Variants in AHDC1 observed in about 807,000 individuals in gnomAD.
AHDC1 encodes the protein AT-hook DNA binding motif containing 1.
In AHDC1, 7 loss-of-function variants were observed where a neutral mutation model predicts 87.9. The ratio of observed to expected loss-of-function variants is 0.08; its 90% confidence interval spans 0.05 to 0.15. AHDC1 has a LOEUF of 0.15. Among genes scored for constraint, AHDC1 ranks in the 10% least tolerant of loss-of-function variants. The probability of loss-of-function intolerance (pLI) is 1.00; values close to 1 mark genes in which losing one functional copy is unlikely to be tolerated. For synonymous variants in AHDC1, 1,051 were observed against 1,006.8 expected (o/e 1.04, Z -0.83); for missense variants, 1,841 against 2,253.2 (o/e 0.82, Z 3.70).
chr1:27,555,987 C>T (rs1397403611), intron 5 of AHDC1, among the ~76,000 whole-genome samples: 2 of 152,190 alleles, frequency 1.3e-5, no homozygotes, highest in African/African-American at 4.8e-5. Context: ...TTGGACCCCT[C>T]CCAAGGGTAC....
At chr1:27,591,805 G>A (rs893692819) in intron 3 of AHDC1, among the ~76,000 whole-genome samples, 1 of 152,222 alleles carries the variant, frequency 6.6e-6, no homozygotes, top group Non-Finnish European at 1.5e-5. Flanking sequence ...GTAAAATGGG[G>A]TAATAGTGCC....
chr1:27,601,646 A>T (rs1448120717), intron 3 of AHDC1, among the ~76,000 whole-genome samples: 2 of 152,228 alleles, frequency 1.3e-5, no homozygotes, highest in African/African-American at 4.8e-5. Flanking sequence ...TGCTCAAAGG[A>T]GGGAGATGGC....
In AHDC1 at chr1:27,598,019, T is replaced by C. The variant is rs1277201199; in HGVS notation, c.-629+5378A>G. On this transcript the variant is annotated intron_variant, in intron 3 of 8. Coordinates refer to ENST00000673934, the MANE Select transcript of AHDC1 (RefSeq NM_001371928.1). The surrounding 1 kb of genome is among the most constrained non-coding windows in gnomAD (Gnocchi z 4.2). ...GTGTGGGTGTCTCTGTCCATCTGTT[T>C]CACCACCCATCTGTCTGGCTGTCTG... Among the ~76,000 whole-genome samples, 1 of 152,222 alleles carries C rather than the reference T, an allele frequency of 6.6e-6. No homozygotes were observed. Among genetic ancestry groups the C allele is most frequent in the Non-Finnish European group, 1.5e-5 (1 of 68,044 alleles).
In AHDC1 at chr1:27,595,746, GC is replaced by G. The variant is rs2089352737; in HGVS notation, c.-629+7650del. Among the ~76,000 whole-genome samples, 1 of 152,018 alleles carries G rather than the reference GC, an allele frequency of 6.6e-6. No individual in the cohort carries two copies. The highest frequency in any genetic ancestry group is 1.5e-5 in the Non-Finnish European group (1 of 67,990). On this transcript the variant is annotated intron_variant, in intron 3 of 8. Transcript: ENST00000673934. The surrounding 1 kb of genome is among the most constrained non-coding windows in gnomAD (Gnocchi z 4.0). Reference sequence around the variant, plus strand: ...CTCTGATATCAGAGATGTGCCACAGGCTATCGTCCGTGCATGCACAGGTATG... The same window carrying G: ...CTCTGATATCAGAGATGTGCCACAGGTATCGTCCGTGCATGCACAGGTATG...
chr1:27,589,736 G>C (rs1050905060), intron 3 of AHDC1, among the ~76,000 whole-genome samples: 10 of 152,178 alleles, frequency 6.6e-5, no homozygotes, highest in African/African-American at 2.4e-4. Context: ...GTTTGTCACA[G>C]ACTGGTGAGC....
intron 3 of AHDC1, among the ~76,000 whole-genome samples, chr1:27,594,138 G>C (rs2089301266): frequency 6.6e-6 from 1 of 152,190 alleles, no homozygotes; most frequent in African/African-American, 2.4e-5. Flanking sequence ...ATTAGGGGGT[G>C]GAACAGATGG....
In AHDC1 at chr1:27,565,402, G is replaced by A. The variant is rs140455837; in HGVS notation, c.-628-6519C>T. Among the ~76,000 whole-genome samples, 1 of 152,164 alleles carries A rather than the reference G, an allele frequency of 6.6e-6. No individual in the cohort carries two copies. Among genetic ancestry groups the A allele is most frequent in the Non-Finnish European group, 1.5e-5 (1 of 68,028 alleles). ...GCTCATTCCATGAAGAGGGGCGAGAGAGGAAGGACAGAGGCCACTGCCCAG... is the reference window on the plus strand; with the variant it reads ...GCTCATTCCATGAAGAGGGGCGAGAAAGGAAGGACAGAGGCCACTGCCCAG... On this transcript the variant is annotated intron_variant, in intron 3 of 8. Coordinates refer to ENST00000673934, the MANE Select transcript of AHDC1 (RefSeq NM_001371928.1). This position sits in a 1 kb window ranked among gnomAD's most constrained non-coding sequence, Gnocchi z 4.6.
Position 27,548,810 on chromosome 1 carries a change from A to C in AHDC1, c.3306T>G (p.Phe1102Leu), listed in dbSNP as rs768209583. 2 of 1,612,904 alleles carry C rather than the reference A, an allele frequency of 1.2e-6. No individual in the cohort carries two copies. Among genetic ancestry groups the C allele is most frequent in the Non-Finnish European group, 1.7e-6 (2 of 1,179,844 alleles). Residue 1102 changes from phenylalanine to leucine, a missense_variant, in exon 8 of 9, where the codon TTT (phenylalanine) becomes TTG (leucine). By Grantham distance (22) the Phe-to-Leu change is conservative (BLOSUM62 0). This residue lies in a region of AHDC1 where 378 missense variants were observed against 399.0 expected (regional missense o/e 0.95). Transcript: ENST00000673934. The stretch of plus-strand genomic sequence containing the variant: ...GGAAAGGCCACTGAGAAGCCCCCGC[A>C]AACTGCCGACAGTTCTCGGGCGAGG... ...FQPSPENCRQ[F>L]AGASQWPFRQ...
intron 3 of AHDC1, among the ~76,000 whole-genome samples, chr1:27,592,545 G>A (rs1048835858): frequency 1.3e-5 from 2 of 152,124 alleles, no homozygotes; most frequent in African/African-American, 2.4e-5. Context: ...CCTCTCAGCC[G>A]CAACCACTTT....
At position 27,535,952 on chromosome 1, in the gene AHDC1, T is replaced by A. The variant is rs150856778; in HGVS notation, c.*44-1036A>T. Among the ~76,000 whole-genome samples the A allele has an allele frequency of 9.9e-4, 151 of 152,142 alleles. 1 individual carries two copies. Among genetic ancestry groups the A allele is most frequent in the African/African-American group, 3.5e-3 (145 of 41,498 alleles). ...ACTTCCTAAGAGCTCCAGTCATTAT[T>A]AGCCTGGTCCTTTCAGACTTCTGTC... On this transcript the variant is annotated intron_variant, in intron 8 of 8. Transcript: ENST00000673934.
intron 3 of AHDC1, among the ~76,000 whole-genome samples, chr1:27,559,504 T>C (rs527928814): frequency 1.3e-5 from 2 of 152,208 alleles, no homozygotes; most frequent in South Asian, 4.1e-4. Flanking sequence ...TTCATAACTG[T>C]GTGACTCTGG....
At chr1:27,542,922 T>C (rs1479765350) in intron 8 of AHDC1, among the ~76,000 whole-genome samples, 3 of 152,168 alleles carry the variant, frequency 2.0e-5, no homozygotes, top group Admixed American at 6.5e-5. Context: ...GGGGAAGAAC[T>C]TGTGCCCAGA....
chr1:27,547,739 G>T lies in AHDC1; in HGVS notation c.4377C>A (p.Pro1459=). ...LPLGQPHYDS[P]SCKGTAYWYP... ...ACCAATAGGCTGTGCCCTTGCAGCT[G>T]GGGGAATCGTAGTGGGGCTGGCCCA... Residue 1459 remains proline (P), a synonymous_variant, in exon 8 of 9, where the codon CCC becomes CCA. Transcript: ENST00000673934. This position sits in a 1 kb window ranked among gnomAD's most constrained non-coding sequence, Gnocchi z 4.9. 1 of 1,592,774 alleles carries T rather than the reference G, an allele frequency of 6.3e-7. No individual in the cohort carries two copies. Among genetic ancestry groups the T allele is most frequent in the East Asian group, 2.3e-5 (1 of 44,404 alleles).
At chr1:27,584,046 T>C (rs746429449) in intron 3 of AHDC1, among the ~76,000 whole-genome samples, 1 of 152,222 alleles carries the variant, frequency 6.6e-6, no homozygotes, top group Admixed American at 6.5e-5. Context: ...ATATTAGTTG[T>C]TGAATAAATT....
intron 3 of AHDC1, among the ~76,000 whole-genome samples, chr1:27,591,065 A>G (rs1195865608): frequency 6.6e-6 from 1 of 152,148 alleles, no homozygotes; most frequent in Non-Finnish European, 1.5e-5. Flanking sequence ...CTGTGGCCCC[A>G]GGCCAATGTC....
rs1553161065 is a variant in AHDC1 at position 27,558,020 on chromosome 1, A to AC, written c.-225+284dup. 1.3e-5 allele frequency among the ~76,000 whole-genome samples: 2 copies of AC among 151,910 alleles called. No individual in the cohort carries two copies. The highest frequency in any genetic ancestry group is 2.9e-5 in the Non-Finnish European group (2 of 67,956). On this transcript the variant is annotated intron_variant, in intron 5 of 8. Transcript: ENST00000673934. The surrounding 1 kb of genome is among the most constrained non-coding windows in gnomAD (Gnocchi z 5.6). ...CACCCTTACAATCCCAGGAGACTCC[A>AC]CCCCCAGACCTCAGGCCCCAGGAAT...
intron 3 of AHDC1, among the ~76,000 whole-genome samples, chr1:27,602,150 G>A (rs1160505869): frequency 6.6e-6 from 1 of 152,090 alleles, no homozygotes; most frequent in Non-Finnish European, 1.5e-5. Flanking sequence ...AGGGCACCAG[G>A]CTCAGCCCCT....
Position 27,549,452 on chromosome 1 carries a change from G to A in AHDC1, c.2664C>T (p.Phe888=), listed in dbSNP as rs1310141072. 5.6e-6 allele frequency: 9 copies of A among 1,612,924 alleles called. No individual in the cohort carries two copies. Among genetic ancestry groups the A allele is most frequent in the Non-Finnish European group, 7.6e-6 (9 of 1,179,830 alleles). The change falls in exon 8 of 9, where the codon TTC becomes TTT. Residue 888 remains phenylalanine, a synonymous_variant. Coordinates refer to ENST00000673934, the MANE Select transcript of AHDC1 (RefSeq NM_001371928.1). Reference sequence around the variant, plus strand: ...GGCTGGCCTTGGCTCCCCGGCTAGGGAAGGTGGCCAGGCCCCGCTGGGCAG... The same window carrying A: ...GGCTGGCCTTGGCTCCCCGGCTAGGAAAGGTGGCCAGGCCCCGCTGGGCAG... ...ALPAQRGLAT[F]PSRGAKASPV...
chr1:27,538,121 G>A (rs1030632642), intron 8 of AHDC1, among the ~76,000 whole-genome samples: 7 of 152,058 alleles, frequency 4.6e-5, no homozygotes, highest in African/African-American at 7.2e-5. Context: ...AGTGCATGAG[G>A]CCGGGCAGGG....
Sources: allele counts gnomAD v4.1 joint callset (sites outside exome capture counted in the v4.1 genomes callset), GRCh38; gene constraint gnomAD v4.1.1; regional missense constraint gnomAD v4.1.1; non-coding constraint Gnocchi (gnomAD v3.1); transcripts MANE v1.5; gene names NCBI Gene and HGNC (gene_info 2026-07-23, HGNC 2026-07-21).